Variants in TENM1 observed in about 807,000 individuals in gnomAD.
TENM1 encodes teneurin transmembrane protein 1.
A neutral mutation model predicts 174.8 loss-of-function variants in TENM1; 35 were observed. The ratio of observed to expected loss-of-function variants is 0.20; its 90% confidence interval spans 0.15 to 0.27. The LOEUF (loss-of-function observed/expected upper bound fraction) is 0.27, where lower values mean the gene tolerates loss of function less well. TENM1 is among the 10% of genes least tolerant of loss of function. The probability of loss-of-function intolerance (pLI) is 1.00; values close to 1 mark genes in which losing one functional copy is unlikely to be tolerated. For synonymous variants in TENM1, 781 were observed against 798.7 expected, an observed-to-expected ratio of 0.98 and a Z score of 0.37; for missense variants, 1,633 against 2,130.1, an observed-to-expected ratio of 0.77 and a Z score of 4.59.
In TENM1 at chrX:124,517,362, C is replaced by T. The variant is rs185613186; in HGVS notation, c.3301+3155G>A. Among the ~76,000 whole-genome samples the T allele has an allele frequency of 1.8e-3, 194 of 109,896 alleles. 1 individual carries two copies. Among genetic ancestry groups the T allele is most frequent in the African/African-American group, 6.0e-3 (182 of 30,183 alleles). On this transcript the variant is annotated intron_variant, in intron 18 of 31. Coordinates refer to ENST00000422452, the Ensembl canonical transcript of TENM1. Reference sequence around the variant, plus strand: ...ATGCTGCTATAAAGACACATGCACACGTATGTTTATCGCGGCACTATTCAC... The same window carrying T: ...ATGCTGCTATAAAGACACATGCACATGTATGTTTATCGCGGCACTATTCAC...
At chrX:124,895,015 T>C (rs899777613) in intron 2 of TENM1, among the ~76,000 whole-genome samples, 1 of 111,972 alleles carries the variant, frequency 8.9e-6, no homozygotes, top group Non-Finnish European at 1.9e-5. Context: ...TAAAGTGTTA[T>C]GGTCTACTAT....
chrX:124,876,889 C>G (rs2057212719), intron 3 of TENM1, among the ~76,000 whole-genome samples: 1 of 111,732 alleles, frequency 8.9e-6, no homozygotes, highest in Admixed American at 9.5e-5. Context: ...TCCTCTGTCT[C>G]TTTAGTTATT....
chrX:124,968,310 T>G (rs1474534223), upstream of TENM1, among the ~76,000 whole-genome samples: 2 of 112,256 alleles, frequency 1.8e-5, no homozygotes, highest in Admixed American at 9.5e-5. Flanking sequence ...GAATCTCTAC[T>G]AATCTTAATG....
At chrX:124,732,139 A>G (rs2053578628) in intron 4 of TENM1, among the ~76,000 whole-genome samples, 1 of 112,182 alleles carries the variant, frequency 8.9e-6, no homozygotes, top group Non-Finnish European at 1.9e-5. Flanking sequence ...TTCCACTGTT[A>G]TCTTCCATAC....
At chrX:124,694,434 A>G (rs2052602451) in intron 5 of TENM1, among the ~76,000 whole-genome samples, 1 of 111,534 alleles carries the variant, frequency 9.0e-6, no homozygotes, top group South Asian at 3.8e-4. Flanking sequence ...TGAAGTTTGT[A>G]GAATTATCTA....
intron 27 of TENM1, among the ~76,000 whole-genome samples, chrX:124,398,106 TA>T (rs1479729971): frequency 9.2e-6 from 1 of 108,657 alleles, no homozygotes; most frequent in African/African-American, 3.3e-5. Flanking sequence ...CAGGCGCCTG[TA>T]ATCCCAGCTA....
chrX:124,681,033 T>C (rs773664237), intron 5 of TENM1, among the ~76,000 whole-genome samples: 6 of 112,043 alleles, frequency 5.4e-5, no homozygotes, highest in Admixed American at 9.5e-5. Context: ...ATTTTTAAAA[T>C]AGAAATGTAT....
chrX:125,068,706 T>C, the TENM1 span, among the ~76,000 whole-genome samples: 1 of 111,508 alleles, frequency 9.0e-6, no homozygotes, highest in East Asian at 2.9e-4. Context: ...AAGGTAGGTA[T>C]GAAGAGAAGT....
intron 8 of TENM1, among the ~76,000 whole-genome samples, chrX:124,649,894 G>C (rs7052200): frequency 0.098 from 10,876 of 110,643 alleles, 1,091 homozygotes; most frequent in African/African-American, 0.31. Flanking sequence ...TTAAGATAAA[G>C]TTCAAAAACA....
chrX:124,681,926 A>G (rs1056696118), intron 5 of TENM1, among the ~76,000 whole-genome samples: 7 of 111,881 alleles, frequency 6.3e-5, no homozygotes, highest in Non-Finnish European at 1.1e-4. Context: ...GGAGAAAGGT[A>G]GAAAGTCATT....
chrX:125,086,938 T>A, the TENM1 span, among the ~76,000 whole-genome samples: 1 of 111,390 alleles, frequency 9.0e-6, no homozygotes, highest in Admixed American at 9.6e-5. Flanking sequence ...AAACAATGAT[T>A]CTGATTAAAT....
chrX:124,896,327 T>A, intron 1 of TENM1, 86 bp from the exon 5 acceptor site: 2 of 991,629 alleles, frequency 2.0e-6, no homozygotes, highest in Non-Finnish European at 2.7e-6. Flanking sequence ...CATTCCCCTC[T>A]CCCCCATTGG....
the TENM1 span, among the ~76,000 whole-genome samples, chrX:125,031,331 G>A: frequency 9.0e-6 from 1 of 111,144 alleles, no homozygotes; most frequent in African/African-American, 3.3e-5. Context: ...TTAAGGAGTT[G>A]TTGCCATTTA....
chrX:124,966,542 G>A (rs778793113), upstream of TENM1, among the ~76,000 whole-genome samples: 20 of 107,779 alleles, frequency 1.9e-4, no homozygotes, highest in African/African-American at 6.6e-4. Flanking sequence ...GGCGCCTGTA[G>A]TCCCAGCTAC....
At chrX:124,531,688 C>G (rs1352870746) in intron 15 of TENM1, among the ~76,000 whole-genome samples, 1 of 112,048 alleles carries the variant, frequency 8.9e-6, no homozygotes, top group African/African-American at 3.2e-5. Context: ...GAGTGGCATG[C>G]AAATGGCATA....
chrX:125,073,057 G>T, the TENM1 span, among the ~76,000 whole-genome samples: 26 of 111,175 alleles, frequency 2.3e-4, no homozygotes, highest in African/African-American at 7.2e-4. Context: ...CAAACCTTTT[G>T]CATCACATTG....
chrX:124,565,967 A>C (rs1214290683), intron 11 of TENM1, among the ~76,000 whole-genome samples: 1 of 112,389 alleles, frequency 8.9e-6, no homozygotes, highest in East Asian at 2.8e-4. Flanking sequence ...AGAAGTCTAT[A>C]AAATGATAAT....
At chrX:124,407,873 T>C (rs2060480727) in intron 25 of TENM1, among the ~76,000 whole-genome samples, 1 of 112,551 alleles carries the variant, frequency 8.9e-6, no homozygotes, top group Non-Finnish European at 1.9e-5. Flanking sequence ...TTTAAATGGA[T>C]TTCAGTCGAA....
the TENM1 span, among the ~76,000 whole-genome samples, chrX:125,015,248 A>T: frequency 2.7e-5 from 3 of 111,390 alleles, no homozygotes; most frequent in African/African-American, 6.5e-5. Context: ...TACTAAAAAA[A>T]ATTTAACTGT....
Sources: allele counts gnomAD v4.1 joint callset (sites outside exome capture counted in the v4.1 genomes callset), GRCh38; gene constraint gnomAD v4.1.1; transcripts MANE v1.5; gene names NCBI Gene and HGNC (gene_info 2026-07-23, HGNC 2026-07-21).